Variants in DPYSL5 observed in about 807,000 individuals in gnomAD.
DPYSL5 encodes the protein dihydropyrimidinase like 5, also known as dihydropyrimidinase-related protein 5.
In DPYSL5, 9 loss-of-function variants were observed where a neutral mutation model predicts 58.4. The observed-to-expected ratio is 0.15, with a 90% confidence interval of 0.09 to 0.27. The LOEUF (loss-of-function observed/expected upper bound fraction) is 0.27. Among genes scored for constraint, DPYSL5 ranks in the 10% least tolerant of loss-of-function variants. The probability of loss-of-function intolerance (pLI) is 1.00; values close to 1 mark genes in which losing one functional copy is unlikely to be tolerated. For missense variants in DPYSL5, 499 were observed against 770.6 expected (o/e 0.65, Z 4.17); for synonymous variants, 293 against 301.9 (o/e 0.97, Z 0.31).
chr2:26,928,255 G>C lies in DPYSL5; in HGVS notation c.601G>C (p.Gly201Arg). ...TTTTCTTTCTCTTGCTGTTATCCAG[G>C]GTGCTAAGGAGGCACTGGATTTGGG... is the stretch of plus-strand genomic sequence containing the variant. ...HAENGELVAEGAKEALDLGIT... is the reference protein window; with the variant it reads ...HAENGELVAERAKEALDLGIT... The change falls in exon 5 of 13, where the codon GGT becomes CGT. Residue 201 changes from glycine to arginine, a missense_variant and splice_region_variant. Physicochemically the swap from Gly to Arg is moderately radical, Grantham distance 125. This residue lies in a region of DPYSL5 where 404 missense variants were observed against 647.6 expected (regional missense o/e 0.62). Transcript: ENST00000288699. 6.2e-7 allele frequency: 1 copy of C among 1,613,774 alleles called. No homozygotes were observed. The highest frequency in any genetic ancestry group is 2.2e-5 in the East Asian group (1 of 44,850).
chr2:26,884,638 A>G (rs1032286520), intron 1 of DPYSL5, among the ~76,000 whole-genome samples: 1 of 151,902 alleles, frequency 6.6e-6, no homozygotes, highest in African/African-American at 2.4e-5. Flanking sequence ...AGCAGCTCCC[A>G]TTTCTTACCA....
intron 1 of DPYSL5, among the ~76,000 whole-genome samples, chr2:26,890,665 A>T (rs928789431): frequency 1.3e-5 from 2 of 152,234 alleles, no homozygotes; most frequent in African/African-American, 4.8e-5. Context: ...TGCTTGTATT[A>T]GTCTGCTCAG....
Position 26,947,111 on chromosome 2 carries a change from C to A in DPYSL5, c.*116C>A. On this transcript the variant is annotated 3_prime_UTR_variant, in exon 13 of 13. Coordinates refer to ENST00000288699, the MANE Select transcript of DPYSL5 (RefSeq NM_020134.4). The surrounding 1 kb of genome is among the most constrained non-coding windows in gnomAD (Gnocchi z 4.2). ...TGGGTGGCACACCACCCGAGGGGGGCCCCGGGACCCACGGAGCCCTCCCTA... is the reference window on the plus strand; with the variant it reads ...TGGGTGGCACACCACCCGAGGGGGGACCCGGGACCCACGGAGCCCTCCCTA... 2 of 790,156 alleles carry A rather than the reference C, an allele frequency of 2.5e-6. No individual in the cohort carries two copies. Among genetic ancestry groups the A allele is most frequent in the African/African-American group, 1.7e-5 (1 of 58,024 alleles). The allele number at this position is 790,156 out of a possible 1,614,324, so 48.9% of individuals were successfully genotyped here.
In DPYSL5 at chr2:26,927,139, C is replaced by T. The variant is rs1355461110; in HGVS notation, c.421-114C>T. 9 of 1,155,056 alleles carry T rather than the reference C, an allele frequency of 7.8e-6. No individual in the cohort carries two copies. Among genetic ancestry groups the T allele is most frequent in the South Asian group, 4.8e-5 (3 of 62,908 alleles). The allele number at this position is 1,155,056 out of a possible 1,614,324, so 71.6% of individuals were successfully genotyped here. ...AGATAGAGAGGTGTGGGGGGTCAAC[C>T]GACAGACTGAGCTGGGGCAGGCCCC... On this transcript the variant is annotated intron_variant, in intron 3 of 12. Transcript: ENST00000288699. This position sits in a 1 kb window ranked among gnomAD's most constrained non-coding sequence, Gnocchi z 4.3.
At chr2:26,937,336 A>G (rs1665206252) in intron 8 of DPYSL5, among the ~76,000 whole-genome samples, 1 of 152,144 alleles carries the variant, frequency 6.6e-6, no homozygotes, top group African/African-American at 2.4e-5. Flanking sequence ...TCCCTTTTTA[A>G]TCAGTGCATA....
At chr2:26,932,189 A>AAGAAAG (rs1553321124) in intron 6 of DPYSL5, among the ~76,000 whole-genome samples, 11 of 72,156 alleles carry the variant, frequency 1.5e-4, no homozygotes, top group African/African-American at 5.0e-4. Flanking sequence ...GAAAGAAAGA[A>AAGAAAG]AGAAAGAAAG....
chr2:26,898,410 A>T lies in DPYSL5; in HGVS notation c.-4-86A>T. Reference sequence around the variant, plus strand: ...TCTTCTCTGCTCACTTACCCTGACCATGGAATTTGGGCTTTGATAGGAGGG... The same window carrying T: ...TCTTCTCTGCTCACTTACCCTGACCTTGGAATTTGGGCTTTGATAGGAGGG... On this transcript the variant is annotated intron_variant, in intron 1 of 12. Transcript: ENST00000288699. The surrounding 1 kb of genome is among the most constrained non-coding windows in gnomAD (Gnocchi z 6.1). 6.4e-7 allele frequency: 1 copy of T among 1,551,904 alleles called. No homozygotes were observed. The highest frequency in any genetic ancestry group is 1.7e-4 in the Middle Eastern group (1 of 5,728).
Position 26,948,042 on chromosome 2 carries a change from T to C in DPYSL5, c.*1047T>C. The C allele has an allele frequency of 6.6e-6, 1 of 150,802 alleles. No individual in the cohort carries two copies. Among genetic ancestry groups the C allele is most frequent in the Non-Finnish European group, 1.4e-5 (1 of 69,370 alleles). 9.3% of individuals were successfully genotyped at this position (150,802 alleles called of 1,614,324 possible). A position where few individuals can be genotyped will look rare whatever the true frequency, so the allele number is the denominator to read the frequency against. ...CTCTGCCCCTGATCACTCCCAGCAC[T>C]CCCCTTGCCTTCCCCTGTCTTCACC... is the stretch of plus-strand genomic sequence containing the variant. On this transcript the variant is annotated 3_prime_UTR_variant, in exon 13 of 13. Coordinates refer to ENST00000288699, the MANE Select transcript of DPYSL5 (RefSeq NM_020134.4).
chr2:26,880,720 G>C (rs1296287438), intron 1 of DPYSL5, among the ~76,000 whole-genome samples: 3 of 152,186 alleles, frequency 2.0e-5, no homozygotes, highest in African/African-American at 7.2e-5. Flanking sequence ...ACTCTCTTTT[G>C]AGAAGACTTC....
intron 2 of DPYSL5, among the ~76,000 whole-genome samples, chr2:26,919,762 A>C (rs1027869224): frequency 4.6e-5 from 7 of 152,224 alleles, no homozygotes; most frequent in Admixed American, 6.5e-5. Flanking sequence ...TGTTCTACAA[A>C]GCTGCAATTC....
chr2:26,931,356 C>G (rs760677606), intron 5 of DPYSL5, among the ~76,000 whole-genome samples: 1 of 151,136 alleles, frequency 6.6e-6, no homozygotes, highest in Non-Finnish European at 1.5e-5. Context: ...AGAGAATACA[C>G]CAGAAAACAA....
At chr2:26,876,754 G>A (rs1243213409) in intron 1 of DPYSL5, among the ~76,000 whole-genome samples, 1 of 152,108 alleles carries the variant, frequency 6.6e-6, no homozygotes, top group Admixed American at 6.5e-5. Flanking sequence ...GACCTCAGGT[G>A]ATCCGCCCAC....
At chr2:26,908,205 G>A (rs1664348164) in intron 2 of DPYSL5, among the ~76,000 whole-genome samples, 1 of 152,112 alleles carries the variant, frequency 6.6e-6, no homozygotes, top group Non-Finnish European at 1.5e-5. Context: ...CCATTTGTAC[G>A]AGCATACATA....
intron 2 of DPYSL5, among the ~76,000 whole-genome samples, chr2:26,918,915 G>T (rs1664641329): frequency 6.6e-6 from 1 of 152,204 alleles, no homozygotes; most frequent in Admixed American, 6.5e-5. Flanking sequence ...CAAAGTTTGT[G>T]CCTTGACCAG....
intron 2 of DPYSL5, among the ~76,000 whole-genome samples, chr2:26,922,753 G>A (rs574302333): frequency 1.3e-5 from 2 of 152,310 alleles, no homozygotes; most frequent in South Asian, 2.1e-4. Context: ...ACCACCTGCT[G>A]TGAGGATGAA....
chr2:26,871,099 G>C (rs909297884), intron 1 of DPYSL5, among the ~76,000 whole-genome samples: 3 of 152,120 alleles, frequency 2.0e-5, no homozygotes, highest in Non-Finnish European at 4.4e-5. Flanking sequence ...GTTCTTGTAC[G>C]GCCTGGTGAG....
At chr2:26,875,520 C>T (rs1265928565) in intron 1 of DPYSL5, among the ~76,000 whole-genome samples, 1 of 152,202 alleles carries the variant, frequency 6.6e-6, no homozygotes, top group Non-Finnish European at 1.5e-5. Context: ...GCCCTTTGCA[C>T]ACAGGCTTGG....
intron 1 of DPYSL5, among the ~76,000 whole-genome samples, chr2:26,892,123 C>G (rs1455010064): frequency 6.6e-6 from 1 of 152,220 alleles, no homozygotes; most frequent in African/African-American, 2.4e-5. Flanking sequence ...TCAGATAGAC[C>G]TAAATCTGAA....
intron 9 of DPYSL5, 70 bp from the exon 10 acceptor site, chr2:26,941,880 C>G: frequency 6.2e-7 from 1 of 1,602,548 alleles, no homozygotes; most frequent in Non-Finnish European, 8.5e-7. Flanking sequence ...GGGCCAGCAT[C>G]AAAGGTGACC....
Sources: gnomAD v4.1 joint callset for allele counts (sites outside exome capture counted in the v4.1 genomes callset) on GRCh38, gnomAD v4.1.1 for gene constraint, gnomAD v4.1.1 regional missense constraint, Gnocchi (gnomAD v3.1) non-coding constraint, MANE v1.5 for transcripts, NCBI Gene and HGNC (gene_info 2026-07-23, HGNC 2026-07-21) for gene names.